Variants in BICDL1 observed in about 807,000 individuals in gnomAD.
BICDL1 encodes the protein BICD family like cargo adaptor 1, also known as BICD family-like cargo adapter 1.
A neutral mutation model predicts 76.8 loss-of-function variants in BICDL1; 20 were observed. That is an observed-to-expected ratio of 0.26 (90% confidence interval 0.18 to 0.38). The LOEUF (loss-of-function observed/expected upper bound fraction) is 0.38. Among genes scored for constraint, BICDL1 ranks in the 10% least tolerant of loss-of-function variants. BICDL1 has a pLI of 1.00. For missense variants in BICDL1, 700 were observed against 798.6 expected (o/e 0.88, Z 1.49); for synonymous variants, 383 against 337.1 (o/e 1.14, Z -1.49).
chr12:120,067,258 G>A (rs1458887518), intron 4 of BICDL1, among the ~76,000 whole-genome samples: 2 of 152,240 alleles, frequency 1.3e-5, no homozygotes, highest in South Asian at 2.1e-4. Flanking sequence ...CCCAGCGACT[G>A]GGTGGATTCC....
intron 2 of BICDL1, among the ~76,000 whole-genome samples, chr12:120,039,435 C>T (rs979963208): frequency 2.7e-4 from 40 of 150,186 alleles, no homozygotes; most frequent in African/African-American, 3.4e-4. Context: ...GTCAGGAGTT[C>T]GAGTCCAGCC....
intron 2 of BICDL1, among the ~76,000 whole-genome samples, chr12:120,058,365 C>T (rs1222449810): frequency 5.3e-5 from 8 of 152,158 alleles, no homozygotes; most frequent in African/African-American, 1.9e-4. Flanking sequence ...TTTATACCAG[C>T]TGGACTAGAT....
chr12:119,995,182 C>G (rs893404867), intron 1 of BICDL1, among the ~76,000 whole-genome samples: 11 of 152,312 alleles, frequency 7.2e-5, no homozygotes, highest in Admixed American at 5.2e-4. Flanking sequence ...TTCACACTTC[C>G]TGACAGTCTC....
intron 9 of BICDL1, chr12:120,091,251 C>A (rs1198036119): frequency 1.8e-6 from 2 of 1,140,610 alleles, no homozygotes; most frequent in Admixed American, 4.1e-5. Context: ...TCATAGATGG[C>A]TGTTCCATCC....
chr12:120,082,702 C>T (rs1323365183), intron 8 of BICDL1, among the ~76,000 whole-genome samples: 1 of 152,020 alleles, frequency 6.6e-6, no homozygotes. Flanking sequence ...CCCTCCTCAG[C>T]CTCCCAAGTA....
chr12:120,091,736 G>C, intron 9 of BICDL1: 1 of 985,412 alleles, frequency 1.0e-6, no homozygotes, highest in Non-Finnish European at 1.2e-6. Flanking sequence ...GACTCAGGAA[G>C]GCCCCTTTGT....
chr12:120,021,032 C>T (rs913182363), intron 2 of BICDL1, among the ~76,000 whole-genome samples: 1 of 152,182 alleles, frequency 6.6e-6, no homozygotes, highest in Non-Finnish European at 1.5e-5. Context: ...CCTGTAATCC[C>T]AACACTTTGG....
chr12:120,091,330 C>T (rs921523531), intron 9 of BICDL1: 1 of 1,021,116 alleles, frequency 9.8e-7, no homozygotes, highest in Non-Finnish European at 1.2e-6. Flanking sequence ...GCGACCTGGA[C>T]AGACCTGATT....
At chr12:120,069,192 T>G (rs901287877) in intron 4 of BICDL1, among the ~76,000 whole-genome samples, 3 of 152,182 alleles carry the variant, frequency 2.0e-5, no homozygotes, top group Non-Finnish European at 4.4e-5. Context: ...ATATATATAT[T>G]TGGCTTGCAG....
intron 2 of BICDL1, among the ~76,000 whole-genome samples, chr12:120,046,177 A>G (rs1344523480): frequency 6.6e-6 from 1 of 152,164 alleles, no homozygotes; most frequent in East Asian, 1.9e-4. Context: ...GATGAAAGCA[A>G]GTGCCTAAAT....
chr12:120,060,092 G>T (rs1953071707), intron 2 of BICDL1, among the ~76,000 whole-genome samples: 1 of 152,284 alleles, frequency 6.6e-6, no homozygotes, highest in African/African-American at 2.4e-5. Context: ...CGATTTCCTT[G>T]TTAATTGGGG....
chr12:119,994,797 A>G lies in BICDL1; in HGVS notation c.430-3724A>G, dbSNP rs186450886. On this transcript the variant is annotated intron_variant, in intron 1 of 9. Coordinates refer to ENST00000548673, the MANE Select transcript of BICDL1 (RefSeq NM_001367886.1). ...GCCACTGCGCCCAGCCATAGACTCT[A>G]TTTTTTAAAATGGTTTTAGATTTCC... is the stretch of plus-strand genomic sequence containing the variant. Among the ~76,000 whole-genome samples, 148 of 152,210 alleles carry G rather than the reference A, an allele frequency of 9.7e-4. 1 individual carries two copies. Among genetic ancestry groups the G allele is most frequent in the African/African-American group, 3.5e-3 (144 of 41,558 alleles).
At chr12:120,022,627 G>A (rs1379758741) in intron 2 of BICDL1, among the ~76,000 whole-genome samples, 1 of 151,870 alleles carries the variant, frequency 6.6e-6, no homozygotes, top group Non-Finnish European at 1.5e-5. Flanking sequence ...ACAGAGACCA[G>A]GTTTACTTTC....
Position 120,071,600 on chromosome 12 carries a change from C to A in BICDL1, c.910-22C>A. On this transcript the variant is annotated intron_variant, in intron 4 of 9. Coordinates refer to ENST00000548673, the MANE Select transcript of BICDL1 (RefSeq NM_001367886.1). The surrounding 1 kb of genome is among the most constrained non-coding windows in gnomAD (Gnocchi z 4.8). ...GGTTTTTGTGTTTGGTAAACCTCAACCATTTGCTCTTTCTTTGAAAGCTGC... is the reference window on the plus strand; with the variant it reads ...GGTTTTTGTGTTTGGTAAACCTCAAACATTTGCTCTTTCTTTGAAAGCTGC... The A allele has an allele frequency of 1.3e-6, 2 of 1,587,312 alleles. No individual in the cohort carries two copies. Among genetic ancestry groups the A allele is most frequent in the Non-Finnish European group, 1.7e-6 (2 of 1,166,294 alleles).
At chr12:120,034,320 A>G (rs541267498) in intron 2 of BICDL1, among the ~76,000 whole-genome samples, 7 of 152,342 alleles carry the variant, frequency 4.6e-5, no homozygotes, top group African/African-American at 1.7e-4. Context: ...ATGTAACTCA[A>G]GAAGGCGTGA....
At chr12:120,064,352 G>A (rs1195066868) in intron 3 of BICDL1, among the ~76,000 whole-genome samples, 1 of 152,170 alleles carries the variant, frequency 6.6e-6, no homozygotes, top group African/African-American at 2.4e-5. Context: ...AGGAGGAGAA[G>A]TAGTGCAGCA....
At chr12:120,026,027 G>T (rs1285816692) in intron 2 of BICDL1, among the ~76,000 whole-genome samples, 1 of 151,932 alleles carries the variant, frequency 6.6e-6, no homozygotes, top group South Asian at 2.1e-4. Context: ...TATTAGAGAT[G>T]GGGTTTCGCC....
At chr12:120,034,351 A>T (rs1952489287) in intron 2 of BICDL1, among the ~76,000 whole-genome samples, 1 of 152,166 alleles carries the variant, frequency 6.6e-6, no homozygotes, top group Non-Finnish European at 1.5e-5. Context: ...TTTATAACTA[A>T]AATTATGACA....
At chr12:120,091,236 T>C in intron 9 of BICDL1, 1 of 1,156,294 alleles carries the variant, frequency 8.6e-7, no homozygotes, top group South Asian at 1.8e-5. Flanking sequence ...GCTGGTGCCG[T>C]CTTCTCATAG....
Sources: gnomAD v4.1 joint callset for allele counts (sites outside exome capture counted in the v4.1 genomes callset) on GRCh38, gnomAD v4.1.1 for gene constraint, Gnocchi (gnomAD v3.1) non-coding constraint, MANE v1.5 for transcripts, NCBI Gene and HGNC (gene_info 2026-07-23, HGNC 2026-07-21) for gene names.